The following KANK1 variants were observed in gnomAD, a reference collection of about 807,000 sequenced individuals.
The protein encoded by KANK1 is KN motif and ankyrin repeat domains 1, also known as KN motif and ankyrin repeat domain-containing protein 1.
In KANK1, 109 loss-of-function variants were observed where a neutral mutation model predicts 106.2. That is an observed-to-expected ratio of 1.03 (90% CI 0.88 to 1.20). The LOEUF is 1.20. KANK1 is among the 50% of genes most tolerant of loss of function. KANK1 has a pLI of 0.00. For synonymous variants in KANK1, 873 were observed against 652.2 expected (o/e 1.34, Z -5.16); for missense variants, 2,399 against 1,710.7 (o/e 1.40, Z -7.10).
At chr9:494,579 C>G (rs2058430731) in intron 3 of KANK1, among the ~76,000 whole-genome samples, 1 of 152,168 alleles carries the variant, frequency 6.6e-6, no homozygotes. Context: ...CTAACTTTCT[C>G]TCTCTCCCCA....
chr9:475,719 T>G (rs573868738), intron 3 of KANK1, among the ~76,000 whole-genome samples: 3 of 152,324 alleles, frequency 2.0e-5, no homozygotes, highest in Middle Eastern at 6.8e-3. Context: ...TATTTTGAAA[T>G]GGCCCTGCAA....
At position 580,824 on chromosome 9, in the gene KANK1, G is replaced by A. The variant is rs183917438; in HGVS notation, c.-84+76070G>A. Among the ~76,000 whole-genome samples, 355 of 152,326 alleles carry A rather than the reference G, an allele frequency of 2.3e-3. 2 individuals are homozygous for A. The highest frequency in any genetic ancestry group is 7.8e-3 in the African/African-American group (326 of 41,580). On this transcript the variant is annotated intron_variant, in intron 1 of 11. Coordinates refer to ENST00000382297, the MANE Select transcript of KANK1 (RefSeq NM_015158.5). The stretch of plus-strand genomic sequence containing the variant: ...GATTGGGCGCCGCGGAGCAGGGGGC[G>A]GTGCTCGTTGGGGAGGCTTGGGCTG...
At chr9:662,814 A>G (rs1035944141) in intron 1 of KANK1, among the ~76,000 whole-genome samples, 1 of 152,056 alleles carries the variant, frequency 6.6e-6, no homozygotes, top group Non-Finnish European at 1.5e-5. Context: ...GGCACCCGCC[A>G]CCACGCCTGG....
At chr9:646,290 A>G (rs1192004980) in intron 1 of KANK1, among the ~76,000 whole-genome samples, 1 of 150,908 alleles carries the variant, frequency 6.6e-6, no homozygotes. Flanking sequence ...TGAGGCCAGG[A>G]GTTCAAGACC....
intron 1 of KANK1, among the ~76,000 whole-genome samples, chr9:547,551 C>T (rs2061007668): frequency 6.6e-6 from 1 of 151,492 alleles, no homozygotes; most frequent in Non-Finnish European, 1.5e-5. Context: ...AACTGCTGGC[C>T]ATGTTGAATC....
At position 647,211 on chromosome 9, in the gene KANK1, G is replaced by A. The variant is rs1314248802; in HGVS notation, c.-83-29679G>A. Among the ~76,000 whole-genome samples, 7 of 150,554 alleles carry A rather than the reference G, an allele frequency of 4.6e-5. 2 individuals carry two copies. Among genetic ancestry groups the A allele is most frequent in the African/African-American group, 1.7e-4 (7 of 40,040 alleles). On this transcript the variant is annotated intron_variant, in intron 1 of 11. Transcript: ENST00000382297. ...GATAAATTCATCCATAGTATTTTTG[G>A]ATTACTTTATTTACTTGATTATTTA...
intron 1 of KANK1, among the ~76,000 whole-genome samples, chr9:508,574 C>T (rs1025585734): frequency 2.1e-5 from 3 of 146,272 alleles, no homozygotes; most frequent in African/African-American, 8.4e-5. Flanking sequence ...AATCACTGCC[C>T]CTCCCGAAGA....
chr9:606,304 C>G (rs1829143661), intron 1 of KANK1, among the ~76,000 whole-genome samples: 1 of 138,526 alleles, frequency 7.2e-6, no homozygotes, highest in Non-Finnish European at 1.5e-5. Flanking sequence ...CACCTGAAAT[C>G]CCAGCACTTT....
Position 742,355 on chromosome 9 carries a change from G to C in KANK1, c.3847G>C (p.Val1283Leu), listed in dbSNP as rs1564140634. The change falls in exon 10 of 12, where the codon GTC becomes CTC. Residue 1283 changes from valine to leucine, a missense_variant. By Grantham distance (32) the Val-to-Leu change is conservative (BLOSUM62 1). Coordinates refer to ENST00000382297, the MANE Select transcript of KANK1 (RefSeq NM_015158.5). ...CAGCGAGCACGGACACGTGGAGATTGTCAAGCTGCTGCTGGCCCAGCCCGG... is the reference window on the plus strand; with the variant it reads ...CAGCGAGCACGGACACGTGGAGATTCTCAAGCTGCTGCTGGCCCAGCCCGG... ...CASEHGHVEI[V>L]KLLLAQPGCN... 6.2e-7 allele frequency: 1 copy of C among 1,614,144 alleles called. No individual in the cohort carries two copies. The highest frequency in any genetic ancestry group is 8.5e-7 in the Non-Finnish European group (1 of 1,180,018).
At chr9:530,243 A>G (rs2133489365) in intron 1 of KANK1, among the ~76,000 whole-genome samples, 1 of 152,338 alleles carries the variant, frequency 6.6e-6, no homozygotes, top group South Asian at 2.1e-4. Context: ...ATTTATTAGC[A>G]GCTTATTTTA....
In KANK1 at chr9:738,369, A is replaced by G; in HGVS notation, c.3418A>G (p.Ile1140Val). 6.2e-7 allele frequency: 1 copy of G among 1,614,192 alleles called. No individual in the cohort carries two copies. The highest frequency in any genetic ancestry group is 8.5e-7 in the Non-Finnish European group (1 of 1,180,028). ...CATTCCAGCCATGGTGGGGGACTAC[A>G]TAGCTGCTTTTGAGGCCATTTCCCC... ...SAIPAMVGDY[I>V]AAFEAISPDV... The change falls in exon 8 of 12, where the codon ATA becomes GTA. Residue 1140 changes from isoleucine to valine, a missense_variant. Coordinates refer to ENST00000382297, the MANE Select transcript of KANK1 (RefSeq NM_015158.5).
chr9:609,710 A>G (rs571090772), intron 1 of KANK1, among the ~76,000 whole-genome samples: 10 of 152,304 alleles, frequency 6.6e-5, no homozygotes, highest in South Asian at 2.1e-4. Context: ...CTTTTAATCT[A>G]TTGGTACTTC....
At chr9:631,709 A>T (rs966542319) in intron 1 of KANK1, among the ~76,000 whole-genome samples, 1 of 152,076 alleles carries the variant, frequency 6.6e-6, no homozygotes, top group Non-Finnish European at 1.5e-5. Flanking sequence ...GGCATGCAAA[A>T]CCTGTAGTCA....
intron 1 of KANK1, among the ~76,000 whole-genome samples, chr9:563,697 C>G (rs1482682397): frequency 1.3e-5 from 2 of 152,108 alleles, no homozygotes; most frequent in African/African-American, 4.8e-5. Flanking sequence ...GTTATGCGTG[C>G]TTTCCTAGGG....
chr9:542,604 G>T (rs1275387534), intron 1 of KANK1, among the ~76,000 whole-genome samples: 2 of 152,214 alleles, frequency 1.3e-5, no homozygotes, highest in Non-Finnish European at 2.9e-5. Flanking sequence ...CTGTACTTCT[G>T]TGTCCCTCGC....
chr9:671,965 A>G (rs1186151723), intron 1 of KANK1, among the ~76,000 whole-genome samples: 2 of 152,198 alleles, frequency 1.3e-5, no homozygotes, highest in African/African-American at 4.8e-5. Flanking sequence ...AAAAAAAATT[A>G]CATAAAATTC....
At chr9:527,003 A>T (rs2059821343) in intron 1 of KANK1, among the ~76,000 whole-genome samples, 1 of 151,772 alleles carries the variant, frequency 6.6e-6, no homozygotes, top group Non-Finnish European at 1.5e-5. Context: ...CAGCCAAGAC[A>T]TGTAATTTAA....
At chr9:533,837 A>T (rs1475853550) in intron 1 of KANK1, among the ~76,000 whole-genome samples, 1 of 152,192 alleles carries the variant, frequency 6.6e-6, no homozygotes, top group African/African-American at 2.4e-5. Context: ...AGCTAAGTTC[A>T]TTATGTAGTT....
At chr9:545,061 G>A (rs2060848572) in intron 1 of KANK1, among the ~76,000 whole-genome samples, 1 of 137,304 alleles carries the variant, frequency 7.3e-6, no homozygotes, top group Non-Finnish European at 1.5e-5. Flanking sequence ...AATGGCGGCT[G>A]AGGAGGAGAA....
Sources: gnomAD v4.1 joint callset for allele counts (sites outside exome capture counted in the v4.1 genomes callset) on GRCh38, gnomAD v4.1.1 for gene constraint, MANE v1.5 for transcripts, NCBI Gene and HGNC (gene_info 2026-07-23, HGNC 2026-07-21) for gene names.